Variants in MGMT observed in about 807,000 individuals in gnomAD.
The protein encoded by MGMT is methylated-DNA--protein-cysteine methyltransferase.
Under a neutral mutation model 15.9 loss-of-function variants are expected in MGMT, and 14 were observed. That is an observed-to-expected ratio of 0.88 (90% confidence interval 0.58 to 1.37). MGMT has a LOEUF of 1.37. Among genes scored for constraint, MGMT ranks in the 40% most tolerant of loss-of-function variants. MGMT has a pLI of 0.00. For synonymous variants in MGMT, 130 were observed against 118.2 expected (o/e 1.10, Z -0.65); for missense variants, 282 against 268.1 (o/e 1.05, Z -0.36).
chr10:129,713,756 G>A (rs1848259721), intron 3 of MGMT, among the ~76,000 whole-genome samples: 1 of 152,138 alleles, frequency 6.6e-6, no homozygotes, highest in Admixed American at 6.6e-5. Flanking sequence ...CTGAGCTGGG[G>A]ACGTTTACTT....
rs564371436 is a variant in MGMT at position 129,576,368 on chromosome 10, A to G, written c.125+39991A>G. ...AAGTGGGCTTCATCCCTGGGATGCA[A>G]GGCTGGTTCAATATACGCAAATCAA... On this transcript the variant is annotated intron_variant, in intron 2 of 4. Coordinates refer to ENST00000651593, the MANE Select transcript of MGMT (RefSeq NM_002412.5). Among the ~76,000 whole-genome samples the G allele has an allele frequency of 1.5e-3, 231 of 152,334 alleles. 1 individual carries two copies. The highest frequency in any genetic ancestry group is 3.7e-3 in the Admixed American group (57 of 15,304).
In MGMT at chr10:129,536,257, A is replaced by T; in HGVS notation, c.5A>T (p.Asp2Val). The change falls in exon 2 of 5, where the codon GAC becomes GTC. Residue 2 changes from aspartate (D) to valine (V), a missense_variant. Asp to Val is a radical substitution (Grantham distance 152, BLOSUM62 -3). Transcript: ENST00000651593. M[D>V]KDCEMKRTTL... is the part of the protein sequence containing the mutation. ...TCTGTTTAGGTACTTGGAAAAATGG[A>T]CAAGGATTGTGAAATGAAACGCACC... The T allele has an allele frequency of 1.2e-6, 2 of 1,613,964 alleles. No individual in the cohort carries two copies. The highest frequency in any genetic ancestry group is 1.7e-6 in the Non-Finnish European group (2 of 1,180,002).
chr10:129,733,344 CA>C (rs1848523562), intron 3 of MGMT, among the ~76,000 whole-genome samples: 1 of 152,076 alleles, frequency 6.6e-6, no homozygotes, highest in Non-Finnish European at 1.5e-5. Context: ...TTTTTGGCTG[CA>C]TAAATGTCTA....
At chr10:129,686,417 C>T (rs2133124075) in intron 2 of MGMT, among the ~76,000 whole-genome samples, 1 of 152,126 alleles carries the variant, frequency 6.6e-6, no homozygotes, top group African/African-American at 2.4e-5. Flanking sequence ...CTTTGTTGCC[C>T]AGGCTGGAGT....
chr10:129,521,295 T>C (rs1845807593), intron 1 of MGMT, among the ~76,000 whole-genome samples: 1 of 152,130 alleles, frequency 6.6e-6, no homozygotes, highest in African/African-American at 2.4e-5. Context: ...GTCCCCCTGT[T>C]GCCCGGGGTG....
At chr10:129,513,482 G>A (rs893389467) in intron 1 of MGMT, among the ~76,000 whole-genome samples, 19 of 152,264 alleles carry the variant, frequency 1.2e-4, no homozygotes, top group South Asian at 2.1e-4. Context: ...TGGCACCACC[G>A]GCGACCCCTG....
intron 1 of MGMT, among the ~76,000 whole-genome samples, chr10:129,520,548 T>C (rs1376420791): frequency 6.6e-6 from 1 of 151,164 alleles, no homozygotes; most frequent in Non-Finnish European, 1.5e-5. Context: ...ACAGAGCCCC[T>C]ACCGTGCAGG....
chr10:129,523,449 G>T (rs1845834925), intron 1 of MGMT, among the ~76,000 whole-genome samples: 2 of 152,334 alleles, frequency 1.3e-5, no homozygotes, highest in South Asian at 4.1e-4. Flanking sequence ...AGTGTAGTAT[G>T]ATTCAATCGG....
At chr10:129,520,012 AG>A (rs1198442624) in intron 1 of MGMT, among the ~76,000 whole-genome samples, 1 of 152,204 alleles carries the variant, frequency 6.6e-6, no homozygotes, top group Non-Finnish European at 1.5e-5. Flanking sequence ...CTACCAAAAA[AG>A]AAAAAGAATA....
chr10:129,716,274 C>T (rs11816056), intron 3 of MGMT, among the ~76,000 whole-genome samples: 11,977 of 152,162 alleles, frequency 0.079, 1,563 homozygotes, highest in African/African-American at 0.27. Flanking sequence ...TCTGGCGAGC[C>T]CACCCTCTCC....
chr10:129,588,928 C>G (rs894461321), intron 2 of MGMT, among the ~76,000 whole-genome samples: 4 of 152,260 alleles, frequency 2.6e-5, no homozygotes, highest in African/African-American at 7.2e-5. Context: ...CGCAGATTCC[C>G]CTCAGGGGGA....
At chr10:129,650,591 C>G (rs1212668217) in intron 2 of MGMT, among the ~76,000 whole-genome samples, 1 of 152,154 alleles carries the variant, frequency 6.6e-6, no homozygotes, top group Non-Finnish European at 1.5e-5. Context: ...TGGGTTGGCT[C>G]TTACTGAACA....
At chr10:129,510,958 C>T (rs1323166328) in intron 1 of MGMT, among the ~76,000 whole-genome samples, 1 of 148,084 alleles carries the variant, frequency 6.8e-6, no homozygotes, top group Non-Finnish European at 1.5e-5. Flanking sequence ...CCAGATGCAG[C>T]CACGTGCTTT....
chr10:129,659,359 G>A lies in MGMT; in HGVS notation c.126-48536G>A, dbSNP rs182624149. Among the ~76,000 whole-genome samples, 23,162 of 140,940 alleles carry A rather than the reference G, an allele frequency of 0.16. 4,586 individuals carry two copies. Among genetic ancestry groups the A allele is most frequent in the African/African-American group, 0.48 (18,300 of 38,146 alleles). The allele number at this position is 140,940 out of a possible 152,430, so 92.5% of individuals were successfully genotyped here. On this transcript the variant is annotated intron_variant, in intron 2 of 4. Transcript: ENST00000651593. The surrounding 1 kb of genome is among the most constrained non-coding windows in gnomAD (Gnocchi z 4.1). ...GTGGCAGAGCGAGACTCCCTGTGTG[G>A]AAAAAAAAAAAAAAGATACTCAGAT...
At chr10:129,667,967 A>G (rs868708173) in intron 2 of MGMT, among the ~76,000 whole-genome samples, 1 of 152,164 alleles carries the variant, frequency 6.6e-6, no homozygotes, top group Non-Finnish European at 1.5e-5. Context: ...AATTATTTCT[A>G]TGTTCTAGAT....
intron 2 of MGMT, among the ~76,000 whole-genome samples, chr10:129,619,290 T>C (rs1386926172): frequency 1.3e-5 from 2 of 152,176 alleles, no homozygotes; most frequent in Non-Finnish European, 2.9e-5. Context: ...AAACCTTGCT[T>C]GTCTTTGATA....
rs150870790 is a variant in MGMT at position 129,613,770 on chromosome 10, C to T, written c.125+77393C>T. Among the ~76,000 whole-genome samples, 19 of 152,294 alleles carry T rather than the reference C, an allele frequency of 1.2e-4. No homozygotes were observed. In the East Asian group the frequency reaches 3.1e-3, roughly 25 times the overall value. Reference sequence around the variant, plus strand: ...CCCTCTGTGCCTTGGGCGCCTCTGCCCAGCGTCACGCAGTGTCATGAGACC... The same window carrying T: ...CCCTCTGTGCCTTGGGCGCCTCTGCTCAGCGTCACGCAGTGTCATGAGACC... On this transcript the variant is annotated intron_variant, in intron 2 of 4. Transcript: ENST00000651593.
intron 3 of MGMT, among the ~76,000 whole-genome samples, chr10:129,712,117 C>A (rs1848239819): frequency 6.6e-6 from 1 of 152,170 alleles, no homozygotes; most frequent in Non-Finnish European, 1.5e-5. Context: ...CAGAACCCAT[C>A]TGGGCACGTC....
At chr10:129,632,658 C>T (rs1043910226) in intron 2 of MGMT, among the ~76,000 whole-genome samples, 6 of 152,254 alleles carry the variant, frequency 3.9e-5, no homozygotes, top group Non-Finnish European at 8.8e-5. Flanking sequence ...GATGTCGGCC[C>T]GATTCTTTGG....
Sources: allele counts gnomAD v4.1 joint callset (sites outside exome capture counted in the v4.1 genomes callset), GRCh38; gene constraint gnomAD v4.1.1; non-coding constraint Gnocchi (gnomAD v3.1); transcripts MANE v1.5; gene names NCBI Gene and HGNC (gene_info 2026-07-23, HGNC 2026-07-21).